Variants in WIPF1 observed in about 807,000 individuals in gnomAD.
WIPF1 encodes WAS/WASL interacting protein family member 1, also known as WAS/WASL-interacting protein family member 1.
WIPF1 carries 13 observed loss-of-function variants against 35.4 expected under a neutral mutation model. The observed-to-expected ratio is 0.37, with a 90% CI of 0.24 to 0.58. WIPF1 has a LOEUF of 0.58. WIPF1 is among the 20% of genes least tolerant of loss of function. The probability of loss-of-function intolerance (pLI) is 0.74; values close to 1 mark genes in which losing one functional copy is unlikely to be tolerated. For missense variants in WIPF1, 591 were observed against 667.0 expected (o/e 0.89, Z 1.25); for synonymous variants, 267 against 266.3 (o/e 1.00, Z -0.02).
At chr2:174,664,880 G>A (rs770598163) in intron 1 of WIPF1, among the ~76,000 whole-genome samples, 5 of 151,982 alleles carry the variant, frequency 3.3e-5, no homozygotes, top group Non-Finnish European at 7.4e-5. Flanking sequence ...TGATCCTTTC[G>A]CCTCGGCCTC....
intron 1 of WIPF1, among the ~76,000 whole-genome samples, chr2:174,624,304 ATCT>A (rs1399401880): frequency 6.6e-6 from 1 of 152,158 alleles, no homozygotes; most frequent in Admixed American, 6.5e-5. Flanking sequence ...CAAAATTCAA[ATCT>A]TCTTAAACTT....
chr2:174,575,135 T>C (rs560407751), intron 4 of WIPF1, 69 bp downstream of exon 4: 30 of 1,510,646 alleles, frequency 2.0e-5, no homozygotes, highest in Non-Finnish European at 2.5e-5. Context: ...TTAGAGGCTA[T>C]GACCAGCCTC....
At chr2:174,672,045 C>A (rs1688029438) in intron 1 of WIPF1, among the ~76,000 whole-genome samples, 1 of 152,096 alleles carries the variant, frequency 6.6e-6, no homozygotes, top group South Asian at 2.1e-4. Context: ...CATCATGGAA[C>A]CTGCCAATAT....
intron 1 of WIPF1, among the ~76,000 whole-genome samples, chr2:174,605,070 C>T (rs1028335534): frequency 4.6e-5 from 7 of 152,174 alleles, no homozygotes; most frequent in African/African-American, 7.2e-5. Flanking sequence ...ACATTATAGA[C>T]GTGGAGACTG....
At chr2:174,652,721 G>GT (rs1352433512) in intron 1 of WIPF1, among the ~76,000 whole-genome samples, 1 of 151,542 alleles carries the variant, frequency 6.6e-6, no homozygotes, top group Non-Finnish European at 1.5e-5. Flanking sequence ...TGTGGCTGGG[G>GT]TAAGTCAGTG....
At chr2:174,609,463 C>A (rs926239517) in intron 1 of WIPF1, among the ~76,000 whole-genome samples, 1 of 152,170 alleles carries the variant, frequency 6.6e-6, no homozygotes, top group African/African-American at 2.4e-5. Flanking sequence ...GTCTTTAACT[C>A]AAGAGAGCCT....
At chr2:174,638,249 G>A (rs1687226685) in intron 1 of WIPF1, among the ~76,000 whole-genome samples, 1 of 152,034 alleles carries the variant, frequency 6.6e-6, no homozygotes, top group South Asian at 2.1e-4. Flanking sequence ...GTAAAAAGGG[G>A]AGTCTATTTA....
Position 174,561,996 on chromosome 2 carries a change from G to A in WIPF1, c.*551C>T. 1 of 1,427,770 alleles carries A rather than the reference G, an allele frequency of 7.0e-7. No homozygotes were observed. The highest frequency in any genetic ancestry group is 9.6e-7 in the Non-Finnish European group (1 of 1,047,076). The allele number at this position is 1,427,770 out of a possible 1,614,324, so 88.4% of individuals were successfully genotyped here. ...AAAATATATTAGAAATGTAAAAATT[G>A]TATATGGGGCTCACATTATATTTCT... is the stretch of plus-strand genomic sequence containing the variant. On this transcript the variant is annotated 3_prime_UTR_variant, in exon 8 of 8. Transcript: ENST00000679041.
At chr2:174,615,740 G>T (rs911396829) in intron 1 of WIPF1, among the ~76,000 whole-genome samples, 5 of 152,160 alleles carry the variant, frequency 3.3e-5, no homozygotes, top group African/African-American at 1.2e-4. Context: ...ATATTCAAAA[G>T]AGTTCTGTGG....
intron 1 of WIPF1, among the ~76,000 whole-genome samples, chr2:174,631,930 T>C (rs933692963): frequency 6.6e-6 from 1 of 152,230 alleles, no homozygotes; most frequent in African/African-American, 2.4e-5. Context: ...TTATCTGGGA[T>C]TCAGGGAGGA....
chr2:174,616,339 T>C (rs76585024), intron 1 of WIPF1, among the ~76,000 whole-genome samples: 5 of 152,222 alleles, frequency 3.3e-5, no homozygotes, highest in Non-Finnish European at 5.9e-5. Context: ...AAGAGAATCA[T>C]GTGTCTATAA....
At chr2:174,682,690 C>G (rs1193301912) in intron 1 of WIPF1, 1 of 151,764 alleles carries the variant, frequency 6.6e-6, no homozygotes, top group African/African-American at 2.4e-5. Context: ...CGTGCCCCGC[C>G]GTCGAGCCCA....
chr2:174,585,262 G>A (rs1685368644), intron 2 of WIPF1, among the ~76,000 whole-genome samples: 2 of 152,170 alleles, frequency 1.3e-5, no homozygotes, highest in South Asian at 2.1e-4. Flanking sequence ...ATGTCCCTGC[G>A]CAGATGCGGC....
intron 1 of WIPF1, among the ~76,000 whole-genome samples, chr2:174,662,439 A>G (rs1280677847): frequency 1.3e-5 from 2 of 152,218 alleles, no homozygotes; most frequent in African/African-American, 4.8e-5. Context: ...AGGACAGGAT[A>G]CAGGTCAGCT....
chr2:174,630,003 A>G (rs1310867513), intron 1 of WIPF1: 1 of 152,214 alleles, frequency 6.6e-6, no homozygotes, highest in Non-Finnish European at 1.5e-5. Context: ...TAGTCTGAAG[A>G]TAGCAGTATT....
At chr2:174,568,189 A>G (rs1684725501) in intron 5 of WIPF1, 116 bp from the exon 6 acceptor site, 2 of 1,228,786 alleles carry the variant, frequency 1.6e-6, no homozygotes, top group Admixed American at 5.9e-5. Context: ...AATTAGGGTG[A>G]TTTTCTAGGA....
At chr2:174,642,469 C>T (rs1332059606) in intron 1 of WIPF1, among the ~76,000 whole-genome samples, 3 of 150,710 alleles carry the variant, frequency 2.0e-5, no homozygotes, top group Non-Finnish European at 3.0e-5. Flanking sequence ...GCCTCAGCCT[C>T]CCGAGTAGCT....
intron 1 of WIPF1, chr2:174,655,483 T>G (rs1295563627): frequency 6.6e-6 from 1 of 152,214 alleles, no homozygotes; most frequent in Non-Finnish European, 1.5e-5. Context: ...ATGCCTTTTA[T>G]TTTGCAAACC....
chr2:174,651,840 C>A (rs1438930480), intron 1 of WIPF1, among the ~76,000 whole-genome samples: 5 of 152,198 alleles, frequency 3.3e-5, no homozygotes, highest in African/African-American at 1.2e-4. Context: ...GACAGCTATT[C>A]TCTGTTCCAT....
Sources: allele counts gnomAD v4.1 joint callset (sites outside exome capture counted in the v4.1 genomes callset), GRCh38; gene constraint gnomAD v4.1.1; transcripts MANE v1.5; gene names NCBI Gene and HGNC (gene_info 2026-07-23, HGNC 2026-07-21).